Variants in PEX5L observed in about 807,000 individuals in gnomAD.
PEX5L encodes the protein PEX5-related protein.
PEX5L carries 30 observed loss-of-function variants against 84.0 expected under a neutral mutation model. The observed-to-expected ratio is 0.36, with a 90% CI of 0.27 to 0.48. The LOEUF (loss-of-function observed/expected upper bound fraction) is 0.48. Ranked by LOEUF, PEX5L falls within the 20% of genes least tolerant of loss-of-function variation. The pLI is 0.99. For synonymous variants in PEX5L, 270 were observed against 283.1 expected (o/e 0.95, Z 0.46); for missense variants, 533 against 754.6 (o/e 0.71, Z 3.44).
At chr3:179,985,599 C>G (rs1049151923) in intron 1 of PEX5L, among the ~76,000 whole-genome samples, 9 of 152,030 alleles carry the variant, frequency 5.9e-5, no homozygotes, top group African/African-American at 2.2e-4. Context: ...TGAGCTGAGG[C>G]TGCTGGAGCC....
Position 179,808,396 on chromosome 3 carries a change from G to A in PEX5L, c.1394C>T (p.Ala465Val), listed in dbSNP as rs938377430. Residue 465 changes from alanine to valine, a missense_variant, in exon 13 of 15, where the codon GCC becomes GTC. Around this residue, in one of 8 missense-constraint regions of PEX5L, gnomAD observed 63 missense variants for 60.2 expected, o/e 1.05. Coordinates refer to ENST00000467460, the MANE Select transcript of PEX5L (RefSeq NM_016559.3). ...EGVKELYLEAAHQNGDMIDPD... is the reference protein window; with the variant it reads ...EGVKELYLEAVHQNGDMIDPD... ...GTCGATCATATCTCCATTTTGGTGG[G>A]CAGCTTCCAGATATAATTCCTTCAC... 4 of 1,577,514 alleles carry A rather than the reference G, an allele frequency of 2.5e-6. No homozygotes were observed. Among genetic ancestry groups the A allele is most frequent in the Admixed American group, 1.9e-5 (1 of 52,812 alleles).
chr3:179,981,761 T>C (rs1317526995), intron 1 of PEX5L, among the ~76,000 whole-genome samples: 2 of 152,096 alleles, frequency 1.3e-5, no homozygotes, highest in Admixed American at 6.5e-5. Flanking sequence ...ATTTTTCCAT[T>C]CTGTAAACAG....
chr3:179,989,351 A>G (rs1025454413), intron 1 of PEX5L, among the ~76,000 whole-genome samples: 1 of 152,238 alleles, frequency 6.6e-6, no homozygotes, highest in Non-Finnish European at 1.5e-5. Context: ...TAACTTTTTC[A>G]GAAATGCTCA....
chr3:179,924,366 A>G (rs1423048990), intron 2 of PEX5L, among the ~76,000 whole-genome samples: 1 of 152,146 alleles, frequency 6.6e-6, no homozygotes, highest in Non-Finnish European at 1.5e-5. Context: ...TCATCTTCAT[A>G]GCTCCCTCTC....
chr3:179,872,273 T>A (rs1184646534), intron 7 of PEX5L, among the ~76,000 whole-genome samples: 1 of 152,180 alleles, frequency 6.6e-6, no homozygotes, highest in Non-Finnish European at 1.5e-5. Context: ...GTGTTTCAGA[T>A]CTATTAAGTC....
At chr3:179,984,560 A>G (rs971191259) in intron 1 of PEX5L, among the ~76,000 whole-genome samples, 1 of 152,218 alleles carries the variant, frequency 6.6e-6, no homozygotes, top group South Asian at 2.1e-4. Flanking sequence ...ATATAGACGC[A>G]TGGAGACAAA....
At chr3:180,009,301 T>C (rs1408868043) in intron 1 of PEX5L, among the ~76,000 whole-genome samples, 2 of 152,190 alleles carry the variant, frequency 1.3e-5, no homozygotes, top group African/African-American at 4.8e-5. Context: ...TTTGGTTCTA[T>C]CTTGTTACAC....
At chr3:179,874,625 T>C (rs1392734321) in intron 6 of PEX5L, among the ~76,000 whole-genome samples, 1 of 151,964 alleles carries the variant, frequency 6.6e-6, no homozygotes, top group Non-Finnish European at 1.5e-5. Flanking sequence ...GTGCTAGGTG[T>C]TATTATCTTC....
intron 1 of PEX5L, among the ~76,000 whole-genome samples, chr3:179,995,380 G>A (rs1032950181): frequency 5.3e-5 from 8 of 151,746 alleles, no homozygotes; most frequent in African/African-American, 1.9e-4. Context: ...GGGGTTTCTG[G>A]AGTTGGCTGC....
At chr3:179,900,595 C>A in intron 2 of PEX5L, 1 of 1,043,342 alleles carries the variant, frequency 9.6e-7, no homozygotes, top group Non-Finnish European at 1.4e-6. Context: ...AACTCTAGAA[C>A]AAAGCAGTGG....
chr3:179,878,822 T>G (rs1454128109), intron 5 of PEX5L, among the ~76,000 whole-genome samples: 2 of 152,210 alleles, frequency 1.3e-5, no homozygotes, highest in African/African-American at 4.8e-5. Flanking sequence ...TAGTTAATAT[T>G]TTATTATAAT....
chr3:179,835,492 C>T (rs1234340942), intron 8 of PEX5L, among the ~76,000 whole-genome samples: 1 of 152,030 alleles, frequency 6.6e-6, no homozygotes, highest in Non-Finnish European at 1.5e-5. Flanking sequence ...TCTGAGAGGA[C>T]AAAACAGCAA....
At chr3:179,872,872 A>C (rs2108685012) in intron 7 of PEX5L, among the ~76,000 whole-genome samples, 1 of 152,232 alleles carries the variant, frequency 6.6e-6, no homozygotes, top group East Asian at 1.9e-4. Flanking sequence ...AAGTGCTATA[A>C]ATTTCCTTTT....
At position 179,798,213 on chromosome 3, in the gene PEX5L, G is replaced by A. The variant is rs2108616747; in HGVS notation, c.*3615C>T. Reference sequence around the variant, plus strand: ...AAAAGTGAGTTTGTGAAACGTAAGTGGACATTCCTACCCAGTTATGTTTCC... The same window carrying A: ...AAAAGTGAGTTTGTGAAACGTAAGTAGACATTCCTACCCAGTTATGTTTCC... On this transcript the variant is annotated 3_prime_UTR_variant, in exon 15 of 15. Transcript: ENST00000467460. The A allele has an allele frequency of 6.6e-6, 1 of 152,278 alleles. No homozygotes were observed. The highest frequency in any genetic ancestry group is 6.5e-5 in the Admixed American group (1 of 15,292). The allele number at this position is 152,278 out of a possible 1,614,324, so 9.4% of individuals were successfully genotyped here. A position where few individuals can be genotyped will look rare whatever the true frequency, so the allele number is the denominator to read the frequency against.
chr3:179,831,968 G>A (rs6766466), intron 8 of PEX5L, among the ~76,000 whole-genome samples: 57,523 of 151,922 alleles, frequency 0.38, 11,469 homozygotes, highest in East Asian at 0.72. Context: ...AAGGACAAGT[G>A]TAAAGCCATT....
At chr3:179,807,283 G>GC (rs1721684182) in intron 14 of PEX5L, among the ~76,000 whole-genome samples, 1 of 152,208 alleles carries the variant, frequency 6.6e-6, no homozygotes, top group East Asian at 1.9e-4. Context: ...AGGTCCCCTT[G>GC]CCCACACCCC....
intron 1 of PEX5L, among the ~76,000 whole-genome samples, chr3:180,004,954 G>A (rs1264922619): frequency 6.6e-6 from 1 of 152,142 alleles, no homozygotes; most frequent in East Asian, 1.9e-4. Context: ...TTTTGTAAAT[G>A]TGGTGTCTAG....
chr3:179,884,089 T>C (rs1194305746), intron 4 of PEX5L, among the ~76,000 whole-genome samples: 1 of 152,154 alleles, frequency 6.6e-6, no homozygotes, highest in Non-Finnish European at 1.5e-5. Context: ...GTATTCTAAT[T>C]TTACATATGA....
At chr3:179,955,482 T>C (rs888103371) in intron 2 of PEX5L, among the ~76,000 whole-genome samples, 11 of 142,448 alleles carry the variant, frequency 7.7e-5, no homozygotes, top group African/African-American at 1.9e-4. Context: ...TATGCTCTTT[T>C]TTTTTTTTTT....
Sources: allele counts gnomAD v4.1 joint callset (sites outside exome capture counted in the v4.1 genomes callset), GRCh38; gene constraint gnomAD v4.1.1; regional missense constraint gnomAD v4.1.1; transcripts MANE v1.5; gene names NCBI Gene and HGNC (gene_info 2026-07-23, HGNC 2026-07-21).